The following HEXIM2 variants were observed in gnomAD, a reference collection of about 807,000 sequenced individuals.
HEXIM2 encodes the protein protein HEXIM2.
For synonymous variants in HEXIM2, 159 were observed against 162.7 expected (o/e 0.98, Z 0.17); for missense variants, 413 against 390.8 (o/e 1.06, Z -0.48).
chr17:45,169,243 A>G lies in HEXIM2; in HGVS notation c.295A>G (p.Lys99Glu), dbSNP rs200362016. Residue 99 changes from lysine to glutamate, a missense_variant, in exon 4 of 4, where the codon AAA becomes GAA. Physicochemically the swap from Lys to Glu is moderately conservative, Grantham distance 56. Transcript: ENST00000589230. ...KKHRRRPSKR[K>E]RHWRPYLELS... ...ACACCGTCGGCGGCCATCGAAGCGC[A>G]AAAGGCACTGGCGACCCTACCTGGA... 2.5e-6 allele frequency: 4 copies of G among 1,613,580 alleles called. No homozygotes were observed. Among genetic ancestry groups the G allele is most frequent in the African/African-American group, 2.7e-5 (2 of 74,940 alleles).
At position 45,169,108 on chromosome 17, in the gene HEXIM2, G is replaced by A. The variant is rs1345278175; in HGVS notation, c.160G>A (p.Glu54Lys). The A allele has an allele frequency of 1.6e-5, 26 of 1,613,974 alleles. No homozygotes were observed. The highest frequency in any genetic ancestry group is 2.1e-5 in the Non-Finnish European group (25 of 1,180,044). ...GACACCGCGGATGGAGAGCCACTCA[G>A]AGGATGAAGATCTTGCTGGGGCTGT... is the stretch of plus-strand genomic sequence containing the variant. Reference protein sequence around the residue: ...PLTPRMESHSEDEDLAGAVGG... With the variant: ...PLTPRMESHSKDEDLAGAVGG... The change falls in exon 4 of 4, where the codon GAG becomes AAG. Residue 54 changes from glutamate (E) to lysine (K), a missense_variant. Transcript: ENST00000589230.
chr17:45,161,015 C>G (rs1421734637), upstream of HEXIM2: 1 of 1,189,456 alleles, frequency 8.4e-7, no homozygotes, highest in African/African-American at 1.6e-5. Context: ...GTGGCCAGAC[C>G]TGCGACCTCC....
Position 45,162,818 on chromosome 17 carries a change from G to A in HEXIM2, c.25G>A (p.Ala9Thr), listed in dbSNP as rs532271007. Residue 9 changes from alanine to threonine, a missense_variant, in exon 3 of 4, where the codon GCC (alanine) becomes ACC (threonine). Coordinates refer to ENST00000589230, the MANE Select transcript of HEXIM2 (RefSeq NM_001303441.2). MMATPNQTACNAESPVALE... is the reference protein window; with the variant it reads MMATPNQTTCNAESPVALE... Reference sequence around the variant, plus strand: ...GATGATGGCCACTCCGAACCAGACCGCCTGTAATGCAGAGTCACCAGTGGC... The same window carrying A: ...GATGATGGCCACTCCGAACCAGACCACCTGTAATGCAGAGTCACCAGTGGC... 3.7e-6 allele frequency: 6 copies of A among 1,613,784 alleles called. No homozygotes were observed. Among genetic ancestry groups the A allele is most frequent in the African/African-American group, 1.3e-5 (1 of 75,022 alleles).
At chr17:45,160,936 T>C, upstream of HEXIM2, 1 of 1,289,812 alleles carries the variant, frequency 7.8e-7, no homozygotes, top group African/African-American at 1.5e-5. Context: ...CGCTTTGGTG[T>C]AAGCGAGGTA....
chr17:45,163,325 CAAAAAAA>C (rs11423159), intron 3 of HEXIM2, among the ~76,000 whole-genome samples: 1 of 78,798 alleles, frequency 1.3e-5, no homozygotes, highest in Non-Finnish European at 2.4e-5. Context: ...GACTCCGTCT[CAAAAAAA>C]AAAAAAAAAA....
intron 3 of HEXIM2, among the ~76,000 whole-genome samples, chr17:45,165,884 T>C (rs535294564): frequency 1.3e-5 from 2 of 152,262 alleles, no homozygotes; most frequent in Admixed American, 6.5e-5. Context: ...AACCTCCGCC[T>C]CCCAGGTTCA....
intron 3 of HEXIM2, 32 bp downstream of exon 3, chr17:45,162,891 C>G: frequency 7.0e-7 from 1 of 1,422,496 alleles, no homozygotes; most frequent in South Asian, 1.1e-5. Flanking sequence ...CACCCAAGCA[C>G]CACGAGCACG....
At chr17:45,160,859 G>A (rs1474138186), upstream of HEXIM2, 20 of 1,262,898 alleles carry the variant, frequency 1.6e-5, no homozygotes, top group South Asian at 1.5e-4. Flanking sequence ...TGCTCCCAGG[G>A]GGAATTAGTG....
At chr17:45,161,097 C>A, upstream of HEXIM2, 1 of 520,142 alleles carries the variant, frequency 1.9e-6, no homozygotes, top group Non-Finnish European at 3.4e-6. Flanking sequence ...GGGAGTCCCT[C>A]TGTGCGGGGC....
chr17:45,164,460 A>G (rs75863857), intron 3 of HEXIM2, among the ~76,000 whole-genome samples: 4 of 152,030 alleles, frequency 2.6e-5, no homozygotes, highest in African/African-American at 9.7e-5. Flanking sequence ...GTCTCAAAAA[A>G]AAACCAAAAA....
intron 3 of HEXIM2, among the ~76,000 whole-genome samples, chr17:45,167,636 G>C (rs1229464848): frequency 3.3e-5 from 5 of 152,056 alleles, no homozygotes; most frequent in Non-Finnish European, 7.4e-5. Context: ...TTGTTTGTTT[G>C]TTTGTTTCGA....
At chr17:45,162,073 C>T (rs924761787) in intron 1 of HEXIM2, 42 bp downstream of exon 1, 3 of 929,054 alleles carry the variant, frequency 3.2e-6, no homozygotes, top group Non-Finnish European at 3.9e-6. Context: ...TGACTGTCTC[C>T]CTTCTTCCAA....
At chr17:45,166,932 G>T (rs2042860637) in intron 3 of HEXIM2, among the ~76,000 whole-genome samples, 1 of 148,684 alleles carries the variant, frequency 6.7e-6, no homozygotes, top group Non-Finnish European at 1.5e-5. Flanking sequence ...GGCTGAGGCA[G>T]GATAATCGCT....
At position 45,169,325 on chromosome 17, in the gene HEXIM2, GGGTCC is replaced by G; in HGVS notation, c.379_383del (p.Val127ArgfsTer22). ...GAGAGGCAGAGCCAGAGGGCCTCCC[GGGTCC>G]GCGAAGAGATGTTCGCCAAAGGCCA... On this transcript the variant is annotated frameshift_variant, in exon 4 of 4. Transcript: ENST00000589230. LOFTEE classifies it low-confidence loss of function (END_TRUNC). 1 of 1,613,838 alleles carries G rather than the reference GGGTCC, an allele frequency of 6.2e-7. No individual in the cohort carries two copies. The highest frequency in any genetic ancestry group is 1.1e-5 in the South Asian group (1 of 91,070).
At chr17:45,161,549 G>A (rs183088629), upstream of HEXIM2, 1 of 162,164 alleles carries the variant, frequency 6.2e-6, no homozygotes, top group East Asian at 1.8e-4. Context: ...AAAGGCCAAG[G>A]ATCCCTCCGC....
intron 3 of HEXIM2, among the ~76,000 whole-genome samples, chr17:45,166,550 C>T (rs1054901902): frequency 1.3e-5 from 2 of 152,194 alleles, no homozygotes; most frequent in African/African-American, 4.8e-5. Context: ...CTTGGACAGA[C>T]AGACGAGATG....
At chr17:45,166,873 A>G (rs112584605) in intron 3 of HEXIM2, among the ~76,000 whole-genome samples, 9,785 of 151,384 alleles carry the variant, frequency 0.065, 942 homozygotes, top group African/African-American at 0.2. Context: ...AAAATACAAA[A>G]AATTAGCTGG....
At chr17:45,162,145 TC>T (rs1405466179) in intron 1 of HEXIM2, 114 bp downstream of exon 1, 1 of 391,420 alleles carries the variant, frequency 2.6e-6, no homozygotes, top group African/African-American at 2.2e-5. Context: ...AAGACCTCTT[TC>T]CCCTTTTCTC....
Position 45,169,261 on chromosome 17 carries a change from T to A in HEXIM2, c.313T>A (p.Tyr105Asn). The change falls in exon 4 of 4, where the codon TAC becomes AAC. Residue 105 changes from tyrosine to asparagine, a missense_variant. By Grantham distance (143) the Tyr-to-Asn change is moderately radical. Coordinates refer to ENST00000589230, the MANE Select transcript of HEXIM2 (RefSeq NM_001303441.2). ...PSKRKRHWRP[Y>N]LELSWAEKQQ... ...GAAGCGCAAAAGGCACTGGCGACCC[T>A]ACCTGGAGCTGAGCTGGGCTGAGAA... 1 of 1,613,770 alleles carries A rather than the reference T, an allele frequency of 6.2e-7. No individual in the cohort carries two copies. The highest frequency in any genetic ancestry group is 8.5e-7 in the Non-Finnish European group (1 of 1,180,018).
Sources: gnomAD v4.1 joint callset for allele counts (sites outside exome capture counted in the v4.1 genomes callset) on GRCh38, gnomAD v4.1.1 for gene constraint, MANE v1.5 for transcripts, NCBI Gene and HGNC (gene_info 2026-07-23, HGNC 2026-07-21) for gene names.